The following IQCK variants were observed in gnomAD, a reference collection of about 807,000 sequenced individuals.
IQCK encodes IQ domain-containing protein K.
IQCK carries 29 observed loss-of-function variants against 28.1 expected under a neutral mutation model. The ratio of observed to expected loss-of-function variants is 1.03; its 90% confidence interval spans 0.77 to 1.41. The LOEUF (loss-of-function observed/expected upper bound fraction) is 1.41. Among genes scored for constraint, IQCK ranks in the 40% most tolerant of loss-of-function variants. The pLI, the probability that IQCK is intolerant of heterozygous loss-of-function variation, is 0.00. For synonymous variants in IQCK, 113 were observed against 115.1 expected, an observed-to-expected ratio of 0.98 and a Z score of 0.12; for missense variants, 359 against 314.7, an observed-to-expected ratio of 1.14 and a Z score of -1.07.
intron 7 of IQCK, among the ~76,000 whole-genome samples, chr16:19,804,002 A>G (rs1439893956): frequency 6.6e-6 from 1 of 152,140 alleles, no homozygotes; most frequent in South Asian, 2.1e-4. Flanking sequence ...TGCAGAAATG[A>G]ATGGTGTCAG....
intron 9 of IQCK, among the ~76,000 whole-genome samples, chr16:19,846,268 C>T (rs2056414582): frequency 6.6e-6 from 1 of 152,132 alleles, no homozygotes. Flanking sequence ...GATTCAAAGC[C>T]GGAGCTGCCT....
intron 4 of IQCK, among the ~76,000 whole-genome samples, chr16:19,743,427 C>T (rs1229530374): frequency 6.6e-6 from 1 of 152,172 alleles, no homozygotes; most frequent in African/African-American, 2.4e-5. Context: ...ATTGAAGGAG[C>T]CTCATTCACA....
chr16:19,829,711 T>C (rs1255246254), downstream of IQCK, among the ~76,000 whole-genome samples: 1 of 152,180 alleles, frequency 6.6e-6, no homozygotes, highest in Non-Finnish European at 1.5e-5. Context: ...TGTGGAGTCC[T>C]TTAGGCCTGT....
At chr16:19,736,173 G>A (rs563015391) in intron 4 of IQCK, 2 of 455,670 alleles carry the variant, frequency 4.4e-6, no homozygotes, top group South Asian at 3.1e-5. Context: ...TAAACTGCTC[G>A]CAGAGAGTCT....
intron 6 of IQCK, among the ~76,000 whole-genome samples, chr16:19,778,011 C>T (rs1348565756): frequency 6.6e-6 from 1 of 152,076 alleles, no homozygotes; most frequent in Non-Finnish European, 1.5e-5. Context: ...TGAGATCGCG[C>T]CATTGCACTC....
chr16:19,775,866 CTTTTTTTTTTTTTTT>C (rs570530152), intron 6 of IQCK, among the ~76,000 whole-genome samples: 9 of 37,700 alleles, frequency 2.4e-4, no homozygotes, highest in Non-Finnish European at 4.0e-4. Context: ...TGGGCACAGG[CTTTTTTTTTTTTTTT>C]TTTTTTTTTT....
At chr16:19,750,925 G>C (rs190555574) in intron 4 of IQCK, among the ~76,000 whole-genome samples, 7 of 152,114 alleles carry the variant, frequency 4.6e-5, no homozygotes, top group Non-Finnish European at 1.0e-4. Context: ...GGCCATTTAG[G>C]GGGAGTTGAA....
chr16:19,742,636 G>T (rs541500631), intron 4 of IQCK, among the ~76,000 whole-genome samples: 2 of 152,190 alleles, frequency 1.3e-5, no homozygotes, highest in Non-Finnish European at 2.9e-5. Context: ...TTACACAGCA[G>T]CGTAATTCAT....
intron 1 of IQCK, among the ~76,000 whole-genome samples, chr16:19,721,103 A>C (rs1368290458): frequency 6.6e-6 from 1 of 152,184 alleles, no homozygotes; most frequent in African/African-American, 2.4e-5. Context: ...GATAAACCCA[A>C]TTCTTAAACA....
intron 7 of IQCK, among the ~76,000 whole-genome samples, chr16:19,803,303 C>T (rs1192293323): frequency 6.6e-6 from 1 of 152,050 alleles, no homozygotes; most frequent in Admixed American, 6.6e-5. Flanking sequence ...CCACTGCACC[C>T]GGCTAATTTT....
chr16:19,805,609 C>T (rs2055823213), intron 7 of IQCK, among the ~76,000 whole-genome samples: 1 of 152,136 alleles, frequency 6.6e-6, no homozygotes, highest in South Asian at 2.1e-4. Flanking sequence ...GCTATTGTCA[C>T]AATAATGCTG....
chr16:19,725,147 G>A (rs1265781591), intron 1 of IQCK, among the ~76,000 whole-genome samples: 1 of 151,978 alleles, frequency 6.6e-6, no homozygotes, highest in African/African-American at 2.4e-5. Flanking sequence ...ATAACCTTTG[G>A]TAATGGAAAG....
At chr16:19,856,539 A>G (rs1597618755) in exon 10 of IQCK, 4 of 1,613,694 alleles carry the variant, frequency 2.5e-6, no homozygotes, top group Non-Finnish European at 2.5e-6. Context: ...TGAAAATTCC[A>G]TCATCTTAAC....
At chr16:19,851,570 C>T (rs1266535654) in intron 9 of IQCK, among the ~76,000 whole-genome samples, 1 of 152,150 alleles carries the variant, frequency 6.6e-6, no homozygotes, top group Non-Finnish European at 1.5e-5. Flanking sequence ...TAAGGGCGAC[C>T]ACGAGGAGAA....
At chr16:19,718,613 C>A in intron 1 of IQCK, 126 bp downstream of exon 1, 5 of 845,510 alleles carry the variant, frequency 5.9e-6, no homozygotes, top group Non-Finnish European at 8.2e-6. Context: ...CTCCGCGGGC[C>A]CGGGCTCCGC....
At chr16:19,732,764 A>C (rs376118465) in intron 2 of IQCK, among the ~76,000 whole-genome samples, 3 of 152,292 alleles carry the variant, frequency 2.0e-5, no homozygotes, top group South Asian at 4.1e-4. Context: ...CACCCAGCAC[A>C]ATTTTTTTTC....
At chr16:19,776,159 G>T (rs2055392099) in intron 6 of IQCK, among the ~76,000 whole-genome samples, 2 of 152,066 alleles carry the variant, frequency 1.3e-5, no homozygotes, top group African/African-American at 4.8e-5. Flanking sequence ...GGGATTACAG[G>T]CATGAGCCAC....
intron 2 of IQCK, among the ~76,000 whole-genome samples, chr16:19,733,183 G>A (rs1238147801): frequency 6.6e-6 from 1 of 151,802 alleles, no homozygotes; most frequent in Non-Finnish European, 1.5e-5. Flanking sequence ...TGCTGCCCAG[G>A]CTAGAGTGCA....
At chr16:19,824,389 T>C (rs1043819471) in intron 7 of IQCK, among the ~76,000 whole-genome samples, 3 of 152,194 alleles carry the variant, frequency 2.0e-5, no homozygotes, top group African/African-American at 7.2e-5. Flanking sequence ...ATGTGAGCGA[T>C]AGGGAGTGGC....
Sources: gnomAD v4.1 joint callset for allele counts (sites outside exome capture counted in the v4.1 genomes callset) on GRCh38, gnomAD v4.1.1 for gene constraint, MANE v1.5 for transcripts, NCBI Gene and HGNC (gene_info 2026-07-23, HGNC 2026-07-21) for gene names.